Variants in HK1 observed in about 807,000 individuals in gnomAD.
HK1 encodes the protein hexokinase 1.
A neutral mutation model predicts 91.6 loss-of-function variants in HK1; 28 were observed. The observed-to-expected ratio is 0.31, with a 90% CI of 0.23 to 0.42. The LOEUF is 0.42. HK1 is among the 10% of genes least tolerant of loss of function. HK1 has a pLI of 1.00. For synonymous variants in HK1, 430 were observed against 468.1 expected, an observed-to-expected ratio of 0.92 and a Z score of 1.05; for missense variants, 770 against 1,219.8, an observed-to-expected ratio of 0.63 and a Z score of 5.49.
chr10:69,292,227 C>A (rs1421769680), intron 3 of HK1: 1 of 328,204 alleles, frequency 3.0e-6, no homozygotes, highest in Non-Finnish European at 6.1e-6. Flanking sequence ...TGTGCCCCCA[C>A]AACCAGCCAG....
At chr10:69,300,281 CATATAA>C (rs1487279254) in intron 4 of HK1, among the ~76,000 whole-genome samples, 2 of 151,852 alleles carry the variant, frequency 1.3e-5, no homozygotes, top group Non-Finnish European at 2.9e-5. Context: ...TCTTGAACCT[CATATAA>C]ATATAATCAT....
chr10:69,368,965 C>A lies in HK1; in HGVS notation c.592-272C>A, dbSNP rs1849851486. On this transcript the variant is annotated intron_variant, in intron 5 of 17. Coordinates refer to ENST00000359426, the MANE Select transcript of HK1 (RefSeq NM_000188.3). ...CCGCCTTATCGGGGACGTGGACCTC[C>A]TGTGGAGGTTTGCAGAGGAATGTAG... Among the ~76,000 whole-genome samples the A allele has an allele frequency of 2.6e-5, 4 of 152,212 alleles. No homozygotes were observed. In the South Asian group the frequency reaches 8.3e-4, roughly 31 times the overall value.
intron 11 of HK1, 23 bp downstream of exon 11, chr10:69,384,504 C>A (rs1564561877): frequency 6.2e-7 from 1 of 1,614,040 alleles, no homozygotes; most frequent in East Asian, 2.2e-5. Context: ...AACCATAGTG[C>A]ATGTGCACTG....
chr10:69,334,756 G>A lies in HK1; in HGVS notation c.64-9071G>A, dbSNP rs116309081. ...CCCTGGCACTCACGGTCTAGCTGGCGGTGTGGACCATGCATGTGTCCCTGC... is the reference window on the plus strand; with the variant it reads ...CCCTGGCACTCACGGTCTAGCTGGCAGTGTGGACCATGCATGTGTCCCTGC... On this transcript the variant is annotated intron_variant, in intron 1 of 17. Coordinates refer to ENST00000359426, the MANE Select transcript of HK1 (RefSeq NM_000188.3). 3.3e-3 allele frequency among the ~76,000 whole-genome samples: 506 copies of A among 152,250 alleles called. 1 individual carries two copies. The highest frequency in any genetic ancestry group is 0.012 in the African/African-American group (484 of 41,546).
At position 69,276,118 on chromosome 10, in the gene HK1, A is replaced by AATATATATATATATATATAT. The variant is rs1554874322; in HGVS notation, c.-391+6013_-391+6014insTATATATATATATATATATA. On this transcript the variant is annotated intron_variant, in intron 1 of 21. Transcript: ENST00000360289. ...AAAAAAAAAAAAAAAAAAAAAAAAA[A>AATATATATATATATATATAT]ATACATATATATATATATATACACA... Among the ~76,000 whole-genome samples, 18 of 38,258 alleles carry AATATATATATATATATATAT rather than the reference A, an allele frequency of 4.7e-4. 1 individual carries two copies. The highest frequency in any genetic ancestry group is 7.1e-4 in the Non-Finnish European group (14 of 19,630). The allele number at this position is 38,258 out of a possible 152,430, so 25.1% of individuals were successfully genotyped here. A position where few individuals can be genotyped will look rare whatever the true frequency, so the allele number is the denominator to read the frequency against.
At position 69,379,920 on chromosome 10, in the gene HK1, T is replaced by C. The variant is rs1447609783; in HGVS notation, c.1090T>C (p.Ser364Pro). The stretch of plus-strand genomic sequence containing the variant: ...CCTGACCCGCCTGGGAGTGGAGCCG[T>C]CCGATGATGACTGTGTCTCAGTCCA... ...EILTRLGVEP[S>P]DDDCVSVQHV... The change falls in exon 9 of 18, where the codon TCC becomes CCC. Residue 364 changes from serine (S) to proline (P), a missense_variant. Ser to Pro is a moderately conservative substitution (Grantham distance 74, BLOSUM62 -1). Transcript: ENST00000359426. 4 of 1,614,074 alleles carry C rather than the reference T, an allele frequency of 2.5e-6. No individual in the cohort carries two copies. Among genetic ancestry groups the C allele is most frequent in the East Asian group, 2.2e-5 (1 of 44,902 alleles).
intron 16 of HK1, among the ~76,000 whole-genome samples, chr10:69,395,736 G>A (rs1326507824): frequency 1.3e-5 from 2 of 152,136 alleles, no homozygotes; most frequent in African/African-American, 4.8e-5. Flanking sequence ...GGTGCATAGG[G>A]CCCACCTGGA....
At chr10:69,276,090 C>CAAAAAAAAAAAA (rs60324656) in intron 1 of HK1, among the ~76,000 whole-genome samples, 2 of 15,946 alleles carry the variant, frequency 1.3e-4, no homozygotes, top group Non-Finnish European at 1.1e-4. Context: ...AACTCCTTTT[C>CAAAAAAAAAAAA]AAAAAAAAAA....
intron 2 of HK1, among the ~76,000 whole-genome samples, chr10:69,356,545 G>C (rs1849136619): frequency 1.3e-5 from 2 of 152,096 alleles, no homozygotes; most frequent in African/African-American, 4.8e-5. Context: ...TCTGATAAAG[G>C]ATTTGTATCT....
chr10:69,369,625 GT>G lies in HK1; in HGVS notation c.875+2del, dbSNP rs1414445715. On this transcript the variant is annotated splice_donor_variant, in intron 7 of 17. Coordinates refer to ENST00000359426, the MANE Select transcript of HK1 (RefSeq NM_000188.3). LOFTEE classifies it high-confidence loss of function. This position sits in a 1 kb window ranked among gnomAD's most constrained non-coding sequence, Gnocchi z 4.4. Reference sequence around the variant, plus strand: ...GATCCCTCAACCCTGGAAAACAGCTGTGAGTCCTTGACTTTTGCTTCTAACC... The same window carrying G: ...GATCCCTCAACCCTGGAAAACAGCTGGAGTCCTTGACTTTTGCTTCTAACC... The G allele has an allele frequency of 6.2e-7, 1 of 1,613,292 alleles. No homozygotes were observed. The highest frequency in any genetic ancestry group is 8.5e-7 in the Non-Finnish European group (1 of 1,179,684).
intron 3 of HK1, among the ~76,000 whole-genome samples, chr10:69,360,838 G>A (rs969866760): frequency 6.6e-6 from 1 of 152,186 alleles, no homozygotes; most frequent in Non-Finnish European, 1.5e-5. Context: ...GTGGGGCAAG[G>A]TGCACTCCTC....
intron 4 of HK1, among the ~76,000 whole-genome samples, chr10:69,295,894 G>C (rs1437421458): frequency 6.6e-6 from 1 of 152,120 alleles, no homozygotes; most frequent in Admixed American, 6.6e-5. Flanking sequence ...CCTAGTAACA[G>C]AGGCCCCCTT....
At chr10:69,382,866 T>A in intron 10 of HK1, 75 bp downstream of exon 10, 1 of 1,453,502 alleles carries the variant, frequency 6.9e-7, no homozygotes, top group African/African-American at 1.4e-5. Flanking sequence ...GAGGTTGGAT[T>A]CGCCAGTGGA....
intron 7 of HK1, among the ~76,000 whole-genome samples, chr10:69,372,189 G>A (rs1167571258): frequency 1.3e-5 from 2 of 152,154 alleles, no homozygotes; most frequent in African/African-American, 4.8e-5. Flanking sequence ...TTGCTTCCAC[G>A]TTCAGTTATC....
At chr10:69,295,503 A>C in intron 3 of HK1, 4 of 714,278 alleles carry the variant, frequency 5.6e-6, no homozygotes, top group Non-Finnish European at 1.0e-5. Flanking sequence ...ATTTGCTTAG[A>C]CATTCCAAGG....
intron 1 of HK1, among the ~76,000 whole-genome samples, chr10:69,339,283 C>T (rs1208007164): frequency 6.6e-6 from 1 of 152,218 alleles, no homozygotes; most frequent in Non-Finnish European, 1.5e-5. Context: ...GCTGACTTCT[C>T]CCCTGGCAGC....
At position 69,360,001 on chromosome 10, in the gene HK1, G is replaced by A; in HGVS notation, c.331G>A (p.Val111Ile). The A allele has an allele frequency of 6.2e-7, 1 of 1,614,220 alleles. No individual in the cohort carries two copies. The highest frequency in any genetic ancestry group is 8.5e-7 in the Non-Finnish European group (1 of 1,180,032). ...CCAGAATGTTCACATGGAGTCCGAGGTTTATGACACCCCAGAGAACATCGT... is the reference window on the plus strand; with the variant it reads ...CCAGAATGTTCACATGGAGTCCGAGATTTATGACACCCCAGAGAACATCGT... The part of the protein sequence containing the change: ...KNQNVHMESE[V>I]YDTPENIVHG... Residue 111 changes from valine (V) to isoleucine (I), a missense_variant, in exon 3 of 18, where the codon GTT becomes ATT. Coordinates refer to ENST00000359426, the MANE Select transcript of HK1 (RefSeq NM_000188.3).
intron 3 of HK1, among the ~76,000 whole-genome samples, chr10:69,293,682 C>T (rs1274847627): frequency 6.6e-6 from 1 of 152,132 alleles, no homozygotes; most frequent in Non-Finnish European, 1.5e-5. Flanking sequence ...AGCTTGAGGT[C>T]TGTGGCTTCT....
At chr10:69,336,634 T>C (rs1045181390) in intron 1 of HK1, among the ~76,000 whole-genome samples, 5 of 147,684 alleles carry the variant, frequency 3.4e-5, no homozygotes, top group African/African-American at 1.3e-4. Flanking sequence ...TTTTGGTAGA[T>C]GCCTTTTTTT....
Sources: allele counts gnomAD v4.1 joint callset (sites outside exome capture counted in the v4.1 genomes callset), GRCh38; gene constraint gnomAD v4.1.1; non-coding constraint Gnocchi (gnomAD v3.1); transcripts MANE v1.5; gene names NCBI Gene and HGNC (gene_info 2026-07-23, HGNC 2026-07-21).